FZR1: variants seen among roughly 807,000 people sequenced by gnomAD.
FZR1 encodes fizzy-related protein homolog.
Under a neutral mutation model 63.6 loss-of-function variants are expected in FZR1, and 11 were observed. The observed-to-expected ratio is 0.17, with a 90% confidence interval of 0.11 to 0.29. The LOEUF (loss-of-function observed/expected upper bound fraction) is 0.29, where lower values mean the gene tolerates loss of function less well. Among genes scored for constraint, FZR1 ranks in the 10% least tolerant of loss-of-function variants. The probability of loss-of-function intolerance (pLI) is 1.00; values close to 1 mark genes in which losing one functional copy is unlikely to be tolerated. For missense variants in FZR1, 440 were observed against 687.5 expected (o/e 0.64, Z 4.03); for synonymous variants, 328 against 297.9 (o/e 1.10, Z -1.04).
At position 3,537,834 on chromosome 19, in the gene FZR1, T is replaced by G. The variant is rs1376018020; in HGVS notation, c.*2998T>G. 1 of 152,124 alleles carries G rather than the reference T, an allele frequency of 6.6e-6. No homozygotes were observed. Among genetic ancestry groups the G allele is most frequent in the Non-Finnish European group, 1.5e-5 (1 of 68,206 alleles). The allele number at this position is 152,124 out of a possible 1,614,324, so 9.4% of individuals were successfully genotyped here. On this transcript the variant is annotated 3_prime_UTR_variant, in exon 14 of 14. Transcript: ENST00000441788. ...CACAGCCCAGAGACAGAGAAGCTTA[T>G]GAGGAAGTGAGGAGGTGGCGTCACA... is the stretch of plus-strand genomic sequence containing the variant.
chr19:3,522,098 C>T (rs751084208), intron 1 of FZR1, among the ~76,000 whole-genome samples: 1 of 152,182 alleles, frequency 6.6e-6, no homozygotes, highest in Non-Finnish European at 1.5e-5. Context: ...GACCTGTCTA[C>T]AAAAAGAACC....
At chr19:3,529,689 T>TGGGAGAGC (rs1568237946) in intron 7 of FZR1, among the ~76,000 whole-genome samples, 4 of 71,400 alleles carry the variant, frequency 5.6e-5, no homozygotes, top group African/African-American at 2.5e-4. Context: ...GTTGAGGGAG[T>TGGGAGAGC]GGATGGTTGA....
chr19:3,511,152 C>T (rs1011777880), intron 1 of FZR1, among the ~76,000 whole-genome samples: 4 of 152,312 alleles, frequency 2.6e-5, no homozygotes, highest in Admixed American at 6.5e-5. Context: ...TTTGTGCTGC[C>T]GCAGACCCAG....
Position 3,516,353 on chromosome 19 carries a change from C to G in FZR1, c.-34-6603C>G, listed in dbSNP as rs2121915660. Among the ~76,000 whole-genome samples the G allele has an allele frequency of 6.6e-6, 1 of 152,326 alleles. No homozygotes were observed. Among genetic ancestry groups the G allele is most frequent in the African/African-American group, 2.4e-5 (1 of 41,572 alleles). On this transcript the variant is annotated intron_variant, in intron 1 of 13. Transcript: ENST00000441788. The surrounding 1 kb of genome is among the most constrained non-coding windows in gnomAD (Gnocchi z 6.0). ...TTGGTGTCCTTTGCTACTTTGGGCTCTCCTGTGGGTGGCAGGTGCTTCCCT... is the reference window on the plus strand; with the variant it reads ...TTGGTGTCCTTTGCTACTTTGGGCTGTCCTGTGGGTGGCAGGTGCTTCCCT...
chr19:3,529,731 GGA>G (rs1465427833), intron 7 of FZR1, among the ~76,000 whole-genome samples: 1 of 144,752 alleles, frequency 6.9e-6, no homozygotes, highest in Admixed American at 6.9e-5. Flanking sequence ...AGAGTGGATG[GGA>G]GAGTGGATGG....
chr19:3,534,234 A>AG, intron 12 of FZR1, 187 bp from the exon 13 acceptor site: 1 of 439,320 alleles, frequency 2.3e-6, no homozygotes, highest in Non-Finnish European at 4.0e-6. Flanking sequence ...AATTAAAAAA[A>AG]AAAAAAAAAA....
intron 1 of FZR1, among the ~76,000 whole-genome samples, chr19:3,509,636 C>T (rs1393771781): frequency 2.0e-5 from 3 of 152,344 alleles, no homozygotes; most frequent in African/African-American, 7.2e-5. Context: ...TCAGCCGCCA[C>T]CACCTGTCTC....
At chr19:3,511,854 C>A (rs896038292) in intron 1 of FZR1, among the ~76,000 whole-genome samples, 4 of 152,200 alleles carry the variant, frequency 2.6e-5, no homozygotes, top group African/African-American at 9.7e-5. Context: ...CTACTCTTGG[C>A]TGTGTCTTTG....
rs1032017571 is a variant in FZR1 at position 3,534,674 on chromosome 19, C to T, written c.1441-121C>T. The T allele has an allele frequency of 2.4e-5, 23 of 975,952 alleles. No homozygotes were observed. In the Middle Eastern group the frequency reaches 6.2e-4, roughly 26 times the overall value. 60.5% of individuals were successfully genotyped at this position (975,952 alleles called of 1,614,324 possible). A position where few individuals can be genotyped will look rare whatever the true frequency, so the allele number is the denominator to read the frequency against. On this transcript the variant is annotated intron_variant, in intron 13 of 13. Transcript: ENST00000441788. ...CATGTGTCGGGGCAGTGTGGCAGGC[C>T]GAGGCTGAACTGGCACCTCCCAGCC...
At chr19:3,530,913 G>T (rs1040196387) in intron 8 of FZR1, 56 bp downstream of exon 8, 1 of 1,404,184 alleles carries the variant, frequency 7.1e-7, no homozygotes. Context: ...TCTTGACAGT[G>T]TTGGGGGCCT....
Position 3,514,154 on chromosome 19 carries a change from G to A in FZR1, c.-35+7680G>A, listed in dbSNP as rs946884701. The stretch of plus-strand genomic sequence containing the variant: ...CGGCAGACAGCCCCTCACGCTTTGC[G>A]TCCCCACTCAGGGACACCTCAAAGT... On this transcript the variant is annotated intron_variant, in intron 1 of 13. Transcript: ENST00000441788. This position sits in a 1 kb window ranked among gnomAD's most constrained non-coding sequence, Gnocchi z 4.2. Among the ~76,000 whole-genome samples, 3 of 152,104 alleles carry A rather than the reference G, an allele frequency of 2.0e-5. No individual in the cohort carries two copies. The highest frequency in any genetic ancestry group is 2.4e-5 in the African/African-American group (1 of 41,420).
At position 3,530,248 on chromosome 19, in the gene FZR1, G is replaced by C. The variant is rs1445539370; in HGVS notation, c.655-544G>C. Among the ~76,000 whole-genome samples, 2 of 140,390 alleles carry C rather than the reference G, an allele frequency of 1.4e-5. 1 individual carries two copies. Among genetic ancestry groups the C allele is most frequent in the Non-Finnish European group, 3.1e-5 (2 of 63,892 alleles). The allele number at this position is 140,390 out of a possible 152,430, so 92.1% of individuals were successfully genotyped here. A position where few individuals can be genotyped will look rare whatever the true frequency, so the allele number is the denominator to read the frequency against. Reference sequence around the variant, plus strand: ...TGGGTGAGCGGATGGGAGAGCAGATGGGTGAGCGGATGGGAGAGCGGATGG... The same window carrying C: ...TGGGTGAGCGGATGGGAGAGCAGATCGGTGAGCGGATGGGAGAGCGGATGG... On this transcript the variant is annotated intron_variant, in intron 7 of 13. Transcript: ENST00000441788.
In FZR1 at chr19:3,526,925, C is replaced by T; in HGVS notation, c.388-55C>T. The T allele has an allele frequency of 2.4e-6, 3 of 1,276,218 alleles. No homozygotes were observed. The highest frequency in any genetic ancestry group is 3.4e-6 in the Non-Finnish European group (3 of 880,288). The allele number at this position is 1,276,218 out of a possible 1,614,324, so 79.1% of individuals were successfully genotyped here. A position where few individuals can be genotyped will look rare whatever the true frequency, so the allele number is the denominator to read the frequency against. ...CGGGAGCGTGGGCTGCTGGGGGGCT[C>T]TGAGGGTCCTGCGGCCTGGGCGTGC... On this transcript the variant is annotated intron_variant, in intron 5 of 13. Transcript: ENST00000441788. The surrounding 1 kb of genome is among the most constrained non-coding windows in gnomAD (Gnocchi z 5.4).
Position 3,525,011 on chromosome 19 carries a change from C to G in FZR1, c.70-857C>G, listed in dbSNP as rs1339841432. ...ACACCGGTCAGCTGATAACAGACCC[C>G]TCATAGAAAAAAGACGGCGCGGGGA... is the stretch of plus-strand genomic sequence containing the variant. On this transcript the variant is annotated intron_variant, in intron 2 of 13. Coordinates refer to ENST00000441788, the MANE Select transcript of FZR1 (RefSeq NM_016263.4). This position sits in a 1 kb window ranked among gnomAD's most constrained non-coding sequence, Gnocchi z 4.2. 6.6e-6 allele frequency among the ~76,000 whole-genome samples: 1 copy of G among 152,012 alleles called. No homozygotes were observed. The highest frequency in any genetic ancestry group is 1.5e-5 in the Non-Finnish European group (1 of 68,004).
intron 1 of FZR1, among the ~76,000 whole-genome samples, chr19:3,522,171 G>C (rs1033143092): frequency 6.6e-6 from 1 of 152,218 alleles, no homozygotes; most frequent in South Asian, 2.1e-4. Flanking sequence ...GCCCTGGTGG[G>C]AAGAGCGTTT....
chr19:3,506,755 C>T (rs1057429789), intron 1 of FZR1, among the ~76,000 whole-genome samples: 3 of 152,090 alleles, frequency 2.0e-5, no homozygotes, highest in Non-Finnish European at 4.4e-5. Context: ...CGTGACCTCC[C>T]CGCAGCCGCC....
In FZR1 at chr19:3,530,393, TGAGCGGATGGGA is replaced by T. The variant is rs2083232116; in HGVS notation, c.655-393_655-382del. 1.2e-4 allele frequency among the ~76,000 whole-genome samples: 9 copies of T among 72,926 alleles called. 1 individual carries two copies. Among genetic ancestry groups the T allele is most frequent in the Admixed American group, 7.7e-4 (6 of 7,774 alleles). The allele number at this position is 72,926 out of a possible 152,430, so 47.8% of individuals were successfully genotyped here. ...GAGAGCGGATGGGTGAGCAGATGGG[TGAGCGGATGGGA>T]GAGCGCATGGGAGAGCGCATGGGAG... On this transcript the variant is annotated intron_variant, in intron 7 of 13. Transcript: ENST00000441788.
Position 3,506,318 on chromosome 19 carries a change from G to T in FZR1, c.-191G>T, listed in dbSNP as rs1425507562. On this transcript the variant is annotated 5_prime_UTR_variant, in exon 1 of 14. Coordinates refer to ENST00000441788, the MANE Select transcript of FZR1 (RefSeq NM_016263.4). Reference sequence around the variant, plus strand: ...GGGAGGGAGCCGGGAGGCAGCGGAGGAGCGACCGCCGCCATATTAGGGACC... The same window carrying T: ...GGGAGGGAGCCGGGAGGCAGCGGAGTAGCGACCGCCGCCATATTAGGGACC... The T allele has an allele frequency of 6.6e-6, 1 of 150,642 alleles. No individual in the cohort carries two copies. The highest frequency in any genetic ancestry group is 1.5e-5 in the Non-Finnish European group (1 of 67,498). The allele number at this position is 150,642 out of a possible 1,614,324, so 9.3% of individuals were successfully genotyped here.
At chr19:3,528,521 G>GTGTGTGTGTCTCCCCTGTA (rs747261702) in intron 7 of FZR1, among the ~76,000 whole-genome samples, 15 of 152,260 alleles carry the variant, frequency 9.9e-5, no homozygotes, top group African/African-American at 3.6e-4. Flanking sequence ...TCTCCCCTGT[G>GTGTGTGTGTCTCCCCTGTA]TGTGTGTGTC....
Sources: gnomAD v4.1 joint callset for allele counts (sites outside exome capture counted in the v4.1 genomes callset) on GRCh38, gnomAD v4.1.1 for gene constraint, Gnocchi (gnomAD v3.1) non-coding constraint, MANE v1.5 for transcripts, NCBI Gene and HGNC (gene_info 2026-07-23, HGNC 2026-07-21) for gene names.